Variants in CYYR1 observed in about 807,000 individuals in gnomAD.
CYYR1 encodes the protein cysteine and tyrosine rich 1.
A neutral mutation model predicts 15.2 loss-of-function variants in CYYR1; 14 were observed. The ratio of observed to expected loss-of-function variants is 0.92; its 90% CI spans 0.61 to 1.44. The LOEUF is 1.44. Ranked by LOEUF, CYYR1 falls within the 40% of genes most tolerant of loss-of-function variation. The probability of loss-of-function intolerance (pLI) is 0.00; values close to 1 mark genes in which losing one functional copy is unlikely to be tolerated. For missense variants in CYYR1, 228 were observed against 209.5 expected, an observed-to-expected ratio of 1.09 and a Z score of -0.54; for synonymous variants, 80 against 77.4, an observed-to-expected ratio of 1.03 and a Z score of -0.18.
chr21:26,502,851 G>C (rs1022640556), intron 2 of CYYR1, among the ~76,000 whole-genome samples: 1 of 152,070 alleles, frequency 6.6e-6, no homozygotes. Context: ...GTGGTAGTCT[G>C]CTCTCATAGA....
At chr21:26,537,653 C>G (rs1341846429) in intron 2 of CYYR1, among the ~76,000 whole-genome samples, 1 of 152,096 alleles carries the variant, frequency 6.6e-6, no homozygotes, top group East Asian at 1.9e-4. Flanking sequence ...TGCTTAACCT[C>G]CAACTGCAGC....
chr21:26,492,767 A>G (rs2065346010), intron 2 of CYYR1, among the ~76,000 whole-genome samples: 1 of 152,202 alleles, frequency 6.6e-6, no homozygotes, highest in African/African-American at 2.4e-5. Flanking sequence ...GCAGCATGAA[A>G]CAATTTTAAA....
chr21:26,494,603 G>A (rs1454841118), intron 2 of CYYR1, among the ~76,000 whole-genome samples: 2 of 151,838 alleles, frequency 1.3e-5, no homozygotes, highest in Admixed American at 6.6e-5. Flanking sequence ...ACACCAAGAC[G>A]CAGTAGTTGG....
chr21:26,558,519 A>T (rs57609356), intron 2 of CYYR1, among the ~76,000 whole-genome samples: 3 of 151,468 alleles, frequency 2.0e-5, no homozygotes, highest in Admixed American at 6.6e-5. Flanking sequence ...ACTTCCCAAC[A>T]CTCCTCCCTA....
chr21:26,549,967 C>T (rs997820804), intron 2 of CYYR1, among the ~76,000 whole-genome samples: 1 of 152,112 alleles, frequency 6.6e-6, no homozygotes, highest in Non-Finnish European at 1.5e-5. Flanking sequence ...TTTATTGAGT[C>T]TCACAGATAT....
chr21:26,515,362 C>G (rs2065712681), intron 2 of CYYR1, among the ~76,000 whole-genome samples: 1 of 152,034 alleles, frequency 6.6e-6, no homozygotes, highest in Non-Finnish European at 1.5e-5. Context: ...TTTTTCTTTT[C>G]TTTTCTTTTT....
chr21:26,526,454 C>G (rs537516051), intron 2 of CYYR1, among the ~76,000 whole-genome samples: 87 of 151,708 alleles, frequency 5.7e-4, no homozygotes, highest in African/African-American at 2.0e-3. Flanking sequence ...GCCCCACCCC[C>G]CAACAACAAC....
chr21:26,543,863 G>A (rs894413804), intron 2 of CYYR1, among the ~76,000 whole-genome samples: 5 of 151,870 alleles, frequency 3.3e-5, no homozygotes, highest in Admixed American at 6.6e-5. Flanking sequence ...CCGAAATCAC[G>A]GCACTGCACT....
Position 26,467,283 on chromosome 21 carries a change from T to C in CYYR1, c.*1218A>G, listed in dbSNP as rs2064979633. On this transcript the variant is annotated 3_prime_UTR_variant, in exon 4 of 4. Coordinates refer to ENST00000652641, the MANE Select transcript of CYYR1 (RefSeq NM_001320768.2). ...AGCAAAATATGGCACATTAGAATTA[T>C]TTATTAAATGCTTTATACATATAAA... 6.6e-6 allele frequency: 1 copy of C among 152,196 alleles called. No homozygotes were observed. Among genetic ancestry groups the C allele is most frequent in the Non-Finnish European group, 1.5e-5 (1 of 68,020 alleles). 9.4% of individuals were successfully genotyped at this position (152,196 alleles called of 1,614,324 possible).
intron 2 of CYYR1, among the ~76,000 whole-genome samples, chr21:26,564,393 T>C (rs1569180076): frequency 6.6e-6 from 1 of 152,166 alleles, no homozygotes; most frequent in African/African-American, 2.4e-5. Context: ...TATAACTGCC[T>C]GAAATATGAT....
In CYYR1 at chr21:26,527,341, T is replaced by C. The variant is rs148372253; in HGVS notation, c.176+38925A>G. Among the ~76,000 whole-genome samples, 418 of 152,302 alleles carry C rather than the reference T, an allele frequency of 2.7e-3. 2 individuals are homozygous for C. The highest frequency in any genetic ancestry group is 9.4e-3 in the African/African-American group (390 of 41,574). On this transcript the variant is annotated intron_variant, in intron 2 of 3. Transcript: ENST00000652641. ...TATTATGGCCTCTTTTTTAAAGGCATGAAGTTGGGTAAAATTGATACCTTT... is the reference window on the plus strand; with the variant it reads ...TATTATGGCCTCTTTTTTAAAGGCACGAAGTTGGGTAAAATTGATACCTTT...
intron 2 of CYYR1, among the ~76,000 whole-genome samples, chr21:26,553,392 G>A (rs965836633): frequency 6.6e-6 from 1 of 152,034 alleles, no homozygotes; most frequent in Non-Finnish European, 1.5e-5. Flanking sequence ...CCAAACTTGG[G>A]ATTTTTTTAG....
chr21:26,555,942 G>A (rs897672783), intron 2 of CYYR1, among the ~76,000 whole-genome samples: 3 of 152,152 alleles, frequency 2.0e-5, no homozygotes, highest in Non-Finnish European at 2.9e-5. Flanking sequence ...GGAGCCTGTT[G>A]TCTTAACAGT....
chr21:26,562,799 A>AACACACATACACAC (rs1980323315), intron 2 of CYYR1, among the ~76,000 whole-genome samples: 1 of 132,492 alleles, frequency 7.5e-6, no homozygotes, highest in Admixed American at 7.5e-5. Context: ...GACATACACA[A>AACACACATACACAC]ACACACACAC....
chr21:26,548,358 A>AT (rs1281343518), intron 2 of CYYR1, among the ~76,000 whole-genome samples: 1 of 152,138 alleles, frequency 6.6e-6, no homozygotes. Context: ...AATGATTATT[A>AT]TTTTTAAGAG....
intron 2 of CYYR1, among the ~76,000 whole-genome samples, chr21:26,553,290 A>G (rs983687989): frequency 1.3e-5 from 2 of 151,904 alleles, no homozygotes; most frequent in African/African-American, 2.4e-5. Flanking sequence ...CTTTTAACCA[A>G]TTTGATTATG....
Position 26,573,092 on chromosome 21 carries a change from C to G in CYYR1, c.-152G>C. ...TTGCCTAGGGAGCCTTCCAAGGGAG[C>G]CCGGGCCGGGCGCGTCCCGGGCCAG... On this transcript the variant is annotated 5_prime_UTR_variant, in exon 1 of 4. Transcript: ENST00000652641. The G allele has an allele frequency of 6.5e-7, 1 of 1,529,282 alleles. No homozygotes were observed. Among genetic ancestry groups the G allele is most frequent in the Non-Finnish European group, 8.8e-7 (1 of 1,142,178 alleles). The allele number at this position is 1,529,282 out of a possible 1,614,324, so 94.7% of individuals were successfully genotyped here.
intron 2 of CYYR1, chr21:26,506,432 T>C (rs1377394299): frequency 1.3e-5 from 2 of 152,168 alleles, no homozygotes; most frequent in Non-Finnish European, 2.9e-5. Flanking sequence ...ACTGTCATTG[T>C]ATTGTGTTTT....
chr21:26,492,199 G>T (rs219624), intron 2 of CYYR1, among the ~76,000 whole-genome samples: 126,824 of 152,252 alleles, frequency 0.83, 53,643 homozygotes, highest in Non-Finnish European at 0.88. Context: ...CAGCTCCAAA[G>T]AGTTTCTGAG....
Sources: allele counts gnomAD v4.1 joint callset (sites outside exome capture counted in the v4.1 genomes callset), GRCh38; gene constraint gnomAD v4.1.1; transcripts MANE v1.5; gene names NCBI Gene and HGNC (gene_info 2026-07-23, HGNC 2026-07-21).